The following ARMC2 variants were observed in gnomAD, a reference collection of about 807,000 sequenced individuals.
ARMC2 encodes armadillo repeat containing 2.
In ARMC2, 67 loss-of-function variants were observed where a neutral mutation model predicts 90.3. That is an observed-to-expected ratio of 0.74 (90% CI 0.61 to 0.91). The LOEUF (loss-of-function observed/expected upper bound fraction) is 0.91, where lower values mean the gene tolerates loss of function less well. Among genes scored for constraint, ARMC2 ranks in the 40% least tolerant of loss-of-function variants. The pLI is 0.00. For missense variants in ARMC2, 920 were observed against 1,030.9 expected (o/e 0.89, Z 1.47); for synonymous variants, 393 against 393.0 (o/e 1.00, Z 0.00).
chr6:108,868,222 G>T (rs1776028822), intron 3 of ARMC2, among the ~76,000 whole-genome samples: 1 of 144,820 alleles, frequency 6.9e-6, no homozygotes, highest in African/African-American at 2.5e-5. Flanking sequence ...TTTTTATTTG[G>T]GGGTGGGGGG....
chr6:108,987,804 A>ATTTTTT, the ARMC2 span, among the ~76,000 whole-genome samples: 4 of 106,638 alleles, frequency 3.8e-5, no homozygotes, highest in African/African-American at 8.1e-5. Context: ...AACAGCAGCT[A>ATTTTTT]TCTTTTTTTT....
chr6:108,865,218 G>C (rs973422240), intron 3 of ARMC2, among the ~76,000 whole-genome samples: 111 of 151,822 alleles, frequency 7.3e-4, no homozygotes, highest in African/African-American at 2.6e-3. Flanking sequence ...CCTGACCTCA[G>C]GTGATCCCCC....
chr6:109,035,548 G>GAA, the ARMC2 span, among the ~76,000 whole-genome samples: 24 of 144,436 alleles, frequency 1.7e-4, no homozygotes, highest in South Asian at 4.4e-4. Flanking sequence ...CCGGCAGAGG[G>GAA]AAAAAAAAAA....
chr6:109,008,869 T>A, the ARMC2 span: 1 of 985,858 alleles, frequency 1.0e-6, no homozygotes, highest in Non-Finnish European at 1.2e-6. Flanking sequence ...CTTCCCTGAG[T>A]CAAATGTGTT....
intron 13 of ARMC2, among the ~76,000 whole-genome samples, chr6:108,956,700 C>T (rs1777609373): frequency 1.3e-5 from 2 of 151,116 alleles, no homozygotes; most frequent in South Asian, 4.2e-4. Context: ...GACCCTGTCT[C>T]CAAGAAAAAG....
At chr6:108,869,125 G>A (rs1362440962) in intron 4 of ARMC2, 130 bp downstream of exon 4, 5 of 978,666 alleles carry the variant, frequency 5.1e-6, no homozygotes, top group Admixed American at 3.3e-5. Flanking sequence ...AGTTAATATT[G>A]GGCAAAAGCT....
At chr6:108,883,662 T>C (rs1777806009) in intron 5 of ARMC2, among the ~76,000 whole-genome samples, 1 of 152,252 alleles carries the variant, frequency 6.6e-6, no homozygotes, top group African/African-American at 2.4e-5. Context: ...TAGAGAGATC[T>C]TTTAGAAACT....
chr6:108,904,710 G>A (rs969146851), intron 8 of ARMC2, among the ~76,000 whole-genome samples: 2 of 152,020 alleles, frequency 1.3e-5, no homozygotes, highest in East Asian at 1.9e-4. Context: ...AGAAATAACC[G>A]TAGGCAAATA....
At position 108,912,434 on chromosome 6, in the gene ARMC2, G is replaced by A. The variant is rs1773536619; in HGVS notation, c.1226G>A (p.Gly409Glu). ...ATAAAGTTCATTTCTGGAAATCTGG[G>A]ATTTCTTAATGAAATGATCAGCAAA... ...GSIKFISGNL[G>E]FLNEMISKGA... is the part of the protein sequence containing the mutation. Residue 409 changes from glycine to glutamate, a missense_variant, in exon 10 of 18, where the codon GGA (glycine) becomes GAA (glutamate). Transcript: ENST00000392644. 6.2e-7 allele frequency: 1 copy of A among 1,613,584 alleles called. No homozygotes were observed. Among genetic ancestry groups the A allele is most frequent in the Admixed American group, 1.7e-5 (1 of 59,990 alleles).
intron 5 of ARMC2, chr6:108,880,246 C>T: frequency 6.9e-6 from 2 of 289,892 alleles, no homozygotes; most frequent in Non-Finnish European, 1.3e-5. Context: ...ATAAATGCTG[C>T]TCAGTCCGTA....
At chr6:108,854,620 G>A (rs1210551174) in intron 2 of ARMC2, 135 bp downstream of exon 2, 4 of 837,460 alleles carry the variant, frequency 4.8e-6, no homozygotes, top group Admixed American at 2.7e-5. Context: ...GCAAAATTGA[G>A]TGGAAGGTAC....
chr6:108,869,378 C>T (rs567188323), intron 4 of ARMC2, among the ~76,000 whole-genome samples: 12 of 152,104 alleles, frequency 7.9e-5, no homozygotes, highest in South Asian at 2.1e-4. Context: ...TGTGGTGGCA[C>T]GTGCCTGTAA....
At chr6:108,998,532 T>C in the ARMC2 span, 11 of 1,613,750 alleles carry the variant, frequency 6.8e-6, no homozygotes, top group African/African-American at 1.3e-4. Flanking sequence ...TTCTGCTGAG[T>C]TGACCGGCAT....
chr6:108,872,219 C>A (rs1180180228), intron 4 of ARMC2, among the ~76,000 whole-genome samples: 2 of 152,178 alleles, frequency 1.3e-5, no homozygotes, highest in African/African-American at 2.4e-5. Context: ...TGCTTCAAGA[C>A]AGTGAAAGAG....
At chr6:108,962,259 C>T (rs1356838284) in intron 15 of ARMC2, 132 bp downstream of exon 15, 2 of 782,150 alleles carry the variant, frequency 2.6e-6, no homozygotes, top group African/African-American at 3.5e-5. Flanking sequence ...GTGTTTAAGG[C>T]TCCTGGCTCA....
chr6:108,965,655 C>A (rs559710092), intron 17 of ARMC2, among the ~76,000 whole-genome samples: 1 of 152,014 alleles, frequency 6.6e-6, no homozygotes, highest in East Asian at 1.9e-4. Flanking sequence ...TTGTTTCTTT[C>A]TTTTCTTGGG....
intron 5 of ARMC2, among the ~76,000 whole-genome samples, chr6:108,878,352 T>A (rs1582990084): frequency 6.6e-6 from 1 of 151,474 alleles, no homozygotes; most frequent in African/African-American, 2.4e-5. Flanking sequence ...GCAGGGAGGG[T>A]TGAGAAGGAG....
chr6:108,909,737 C>T (rs1336890498), intron 8 of ARMC2, among the ~76,000 whole-genome samples: 5 of 151,956 alleles, frequency 3.3e-5, no homozygotes, highest in South Asian at 2.1e-4. Context: ...GGTTTCACCA[C>T]GTTGGTCAGG....
At chr6:108,966,735 G>C (rs931125883) in intron 17 of ARMC2, among the ~76,000 whole-genome samples, 1 of 152,034 alleles carries the variant, frequency 6.6e-6, no homozygotes, top group Non-Finnish European at 1.5e-5. Context: ...TTCAGTTCTC[G>C]ATGGTGGTAG....
Sources: allele counts gnomAD v4.1 joint callset (sites outside exome capture counted in the v4.1 genomes callset), GRCh38; gene constraint gnomAD v4.1.1; transcripts MANE v1.5; gene names NCBI Gene and HGNC (gene_info 2026-07-23, HGNC 2026-07-21).